The following SEMA4D variants were observed in gnomAD, a reference collection of about 807,000 sequenced individuals.
SEMA4D encodes semaphorin 4D.
In SEMA4D, 22 loss-of-function variants were observed where a neutral mutation model predicts 74.8. The observed-to-expected ratio is 0.29, with a 90% CI of 0.21 to 0.42. The LOEUF (loss-of-function observed/expected upper bound fraction) is 0.42. Ranked by LOEUF, SEMA4D falls within the 10% of genes least tolerant of loss-of-function variation. The pLI, the probability that SEMA4D is intolerant of heterozygous loss-of-function variation, is 1.00. For synonymous variants in SEMA4D, 445 were observed against 463.7 expected (o/e 0.96, Z 0.52); for missense variants, 937 against 1,118.4 (o/e 0.84, Z 2.31).
chr9:89,433,443 C>T (rs1849712781), intron 2 of SEMA4D, among the ~76,000 whole-genome samples: 1 of 152,100 alleles, frequency 6.6e-6, no homozygotes, highest in East Asian at 1.9e-4. Context: ...CAGAGAGGGG[C>T]TCCCATGACC....
intron 16 of SEMA4D, among the ~76,000 whole-genome samples, chr9:89,372,182 T>G (rs1588122401): frequency 2.3e-5 from 1 of 43,482 alleles, no homozygotes; most frequent in African/African-American, 1.1e-4. Context: ...GTGATGGGTG[T>G]GGTGTGTGTG....
At chr9:89,437,309 G>A (rs928834580) in intron 2 of SEMA4D, among the ~76,000 whole-genome samples, 7 of 152,334 alleles carry the variant, frequency 4.6e-5, no homozygotes, top group African/African-American at 1.7e-4. Context: ...CTCCCACAGC[G>A]GCAGGCACCT....
chr9:89,418,294 C>G (rs550886901), intron 2 of SEMA4D: 1 of 822,662 alleles, frequency 1.2e-6, no homozygotes, highest in African/African-American at 1.9e-5. Flanking sequence ...AGCACTGGGG[C>G]AGACAGGAGG....
rs561581137 is a variant in SEMA4D at position 89,390,087 on chromosome 9, G to A, written c.775-1040C>T. ...GGTGGAGGTGGCTGCTCTGTGCATC[G>A]CTGAATCTGCTCACTGATCCTGCTG... On this transcript the variant is annotated intron_variant, in intron 9 of 15. Coordinates refer to ENST00000422704, the MANE Select transcript of SEMA4D (RefSeq NM_001371194.2). Among the ~76,000 whole-genome samples the A allele has an allele frequency of 1.8e-4, 28 of 152,298 alleles. No individual in the cohort carries two copies. In the South Asian group the frequency reaches 4.3e-3, roughly 24 times the overall value.
intron 2 of SEMA4D, among the ~76,000 whole-genome samples, chr9:89,426,135 C>A (rs1243660020): frequency 2.0e-5 from 3 of 152,328 alleles, no homozygotes; most frequent in Non-Finnish European, 2.9e-5. Flanking sequence ...CTCCTCCAGG[C>A]CGGGATCCTC....
chr9:89,389,437 A>G (rs951847752), intron 9 of SEMA4D, among the ~76,000 whole-genome samples: 3 of 152,118 alleles, frequency 2.0e-5, no homozygotes, highest in African/African-American at 7.3e-5. Context: ...CCATCAATGA[A>G]CATGCTCTGG....
At chr9:89,415,957 T>C (rs763633273) in intron 2 of SEMA4D, among the ~76,000 whole-genome samples, 7 of 152,166 alleles carry the variant, frequency 4.6e-5, no homozygotes, top group Admixed American at 4.6e-4. Flanking sequence ...CAAAATTACA[T>C]AAAAGACATT....
intron 2 of SEMA4D, among the ~76,000 whole-genome samples, chr9:89,432,740 G>C (rs1396810257): frequency 6.6e-6 from 1 of 152,190 alleles, no homozygotes; most frequent in Non-Finnish European, 1.5e-5. Context: ...TACAAGTGTT[G>C]GTGAGGATGT....
intron 1 of SEMA4D, among the ~76,000 whole-genome samples, chr9:89,489,032 T>C (rs1355744174): frequency 6.6e-6 from 1 of 152,142 alleles, no homozygotes; most frequent in Non-Finnish European, 1.5e-5. Flanking sequence ...AATAAGCACA[T>C]GAAAAGACGC....
At chr9:89,433,307 AC>A (rs555983560) in intron 2 of SEMA4D, among the ~76,000 whole-genome samples, 255 of 152,290 alleles carry the variant, frequency 1.7e-3, no homozygotes, top group African/African-American at 5.8e-3. Context: ...GGGTGGGGCC[AC>A]CAGGGGACTT....
At chr9:89,425,148 C>T (rs928851703) in intron 2 of SEMA4D, among the ~76,000 whole-genome samples, 2 of 152,200 alleles carry the variant, frequency 1.3e-5, no homozygotes, top group Non-Finnish European at 2.9e-5. Context: ...AACTGGCAGC[C>T]AGGACCGAGA....
Position 89,381,200 on chromosome 9 carries a change from A to T in SEMA4D, c.1593T>A (p.Ala531=), listed in dbSNP as rs751346155. 3.1e-6 allele frequency: 5 copies of T among 1,611,118 alleles called. No homozygotes were observed. Among genetic ancestry groups the T allele is most frequent in the Non-Finnish European group, 2.5e-6 (3 of 1,177,586 alleles). Residue 531 remains alanine, a synonymous_variant, in exon 14 of 16, where the codon GCT becomes GCA. Transcript: ENST00000422704. This position sits in a 1 kb window ranked among gnomAD's most constrained non-coding sequence, Gnocchi z 4.6. ...AWSPPTATCV[A]LHQTESPSRG... The stretch of plus-strand genomic sequence containing the variant: ...TGCTGGGGCTCTCGGTCTGGTGCAG[A>T]GCCACGCAGGTCGCTGTGGGCGGGC...
chr9:89,482,024 G>A (rs990929056), intron 1 of SEMA4D, among the ~76,000 whole-genome samples: 3 of 152,216 alleles, frequency 2.0e-5, no homozygotes, highest in Admixed American at 1.3e-4. Context: ...CTCCAAGAGG[G>A]GAAAGGAGGC....
At chr9:89,478,606 T>C (rs781212985) in intron 1 of SEMA4D, among the ~76,000 whole-genome samples, 5 of 152,138 alleles carry the variant, frequency 3.3e-5, no homozygotes, top group Non-Finnish European at 4.4e-5. Context: ...TCATGGTTCA[T>C]TTACAGAGAA....
At chr9:89,402,592 G>A (rs567020084) in intron 4 of SEMA4D, among the ~76,000 whole-genome samples, 3 of 152,172 alleles carry the variant, frequency 2.0e-5, no homozygotes, top group African/African-American at 7.2e-5. Flanking sequence ...CTGAACACCC[G>A]GCCTTGCATA....
intron 1 of SEMA4D, among the ~76,000 whole-genome samples, chr9:89,476,604 G>C (rs1259539057): frequency 6.6e-6 from 1 of 152,114 alleles, no homozygotes; most frequent in East Asian, 1.9e-4. Context: ...TTCTTCTCTG[G>C]GTCTCCAGCC....
chr9:89,437,905 T>C, intron 2 of SEMA4D, among the ~76,000 whole-genome samples: 1 of 152,170 alleles, frequency 6.6e-6, no homozygotes, highest in Non-Finnish European at 1.5e-5. Flanking sequence ...ATTGAGCAAC[T>C]CAGTCCCAAG....
intron 1 of SEMA4D, among the ~76,000 whole-genome samples, chr9:89,481,231 C>T (rs1015384211): frequency 6.6e-5 from 10 of 152,226 alleles, no homozygotes; most frequent in Non-Finnish European, 1.2e-4. Flanking sequence ...GAGCAGGTGG[C>T]GGTGGGGTGG....
chr9:89,493,585 G>T lies in SEMA4D; in HGVS notation c.-310+4334C>A, dbSNP rs149487014. 2.9e-3 allele frequency among the ~76,000 whole-genome samples: 437 copies of T among 152,276 alleles called. 3 individuals are homozygous for T. The highest frequency in any genetic ancestry group is 0.01 in the African/African-American group (421 of 41,550). ...TCAAAACACACACACAAATCAGAAG[G>T]CCTAACAAACACCCACATTCTACAT... is the stretch of plus-strand genomic sequence containing the variant. On this transcript the variant is annotated intron_variant, in intron 1 of 15. Transcript: ENST00000422704.
Sources: allele counts gnomAD v4.1 joint callset (sites outside exome capture counted in the v4.1 genomes callset), GRCh38; gene constraint gnomAD v4.1.1; non-coding constraint Gnocchi (gnomAD v3.1); transcripts MANE v1.5; gene names NCBI Gene and HGNC (gene_info 2026-07-23, HGNC 2026-07-21).